Variants in SELENOO observed in about 807,000 individuals in gnomAD.
SELENOO encodes the protein protein adenylyltransferase SelO, mitochondrial.
In SELENOO, 74 loss-of-function variants were observed where a neutral mutation model predicts 58.7. The observed-to-expected ratio is 1.26, with a 90% confidence interval of 1.04 to 1.53. The LOEUF is 1.53. Among genes scored for constraint, SELENOO ranks in the 40% most tolerant of loss-of-function variants. The probability of loss-of-function intolerance (pLI) is 0.00; values close to 1 mark genes in which losing one functional copy is unlikely to be tolerated. For synonymous variants in SELENOO, 543 were observed against 453.2 expected (o/e 1.20, Z -2.52); for missense variants, 1,149 against 970.0 (o/e 1.18, Z -2.45).
Position 50,201,090 on chromosome 22 carries a change from G to A in SELENOO, c.54G>A (p.Leu18=). 7.3e-7 allele frequency: 1 copy of A among 1,366,552 alleles called. No homozygotes were observed. Among genetic ancestry groups the A allele is most frequent in the Non-Finnish European group, 9.4e-7 (1 of 1,059,698 alleles). The allele number at this position is 1,366,552 out of a possible 1,614,324, so 84.7% of individuals were successfully genotyped here. A position where few individuals can be genotyped will look rare whatever the true frequency, so the allele number is the denominator to read the frequency against. Residue 18 remains leucine (L), a synonymous_variant, in exon 1 of 9, where the codon TTG becomes TTA. Transcript: ENST00000380903. ...CTTCGCTCGCGGCTGCCCGACTCTT[G>A]CCCCTCGGTCGCTGTTCCCCGTCGC... The part of the protein sequence containing the change: ...LGASLAAARL[L]PLGRCSPSPA...
intron 5 of SELENOO, among the ~76,000 whole-genome samples, chr22:50,215,466 G>C (rs909687): frequency 0.67 from 100,206 of 150,314 alleles, 34,327 homozygotes; most frequent in African/African-American, 0.84. Flanking sequence ...TCTGTGGCAT[G>C]CGTGCCAGGT....
At chr22:50,204,681 C>A (rs2064321830) in intron 1 of SELENOO, among the ~76,000 whole-genome samples, 2 of 151,912 alleles carry the variant, frequency 1.3e-5, no homozygotes, top group Admixed American at 1.3e-4. Context: ...TGGAACCCTT[C>A]TGCACTGTTG....
At chr22:50,206,724 CA>C (rs977272851) in intron 2 of SELENOO, among the ~76,000 whole-genome samples, 25 of 152,218 alleles carry the variant, frequency 1.6e-4, no homozygotes, top group Non-Finnish European at 3.4e-4. Context: ...GATCTGAGTG[CA>C]AAGGCATTTG....
In SELENOO at chr22:50,217,313, T is replaced by C. The variant is rs760622131; in HGVS notation, c.1954T>C (p.Tyr652His). 82 of 1,612,706 alleles carry C rather than the reference T, an allele frequency of 5.1e-5. No homozygotes were observed. Among genetic ancestry groups the C allele is most frequent in the Non-Finnish European group, 6.7e-5 (79 of 1,179,924 alleles). ...ADGADGRQRS[Y>H]SSKPPLWAAE... ...CGGGGCGGACGGCAGGCAGCGCTCC[T>C]ACAGCAGTAAGCCCCCGCTCTGGGC... The change falls in exon 9 of 9, where the codon TAC becomes CAC. Residue 652 changes from tyrosine (Y) to histidine (H), a missense_variant. Transcript: ENST00000380903.
intron 5 of SELENOO, among the ~76,000 whole-genome samples, chr22:50,211,320 G>A (rs1044762605): frequency 2.0e-5 from 3 of 152,184 alleles, no homozygotes; most frequent in Non-Finnish European, 2.9e-5. Context: ...CCATGAAAGC[G>A]AATGCAGAGA....
intron 2 of SELENOO, 131 bp downstream of exon 2, chr22:50,206,651 C>A: frequency 1.3e-6 from 1 of 788,784 alleles, no homozygotes; most frequent in Non-Finnish European, 2.0e-6. Context: ...AAAGTCCAGC[C>A]TGTCCCTGGC....
rs1171489038 is a variant in SELENOO at position 50,201,128 on chromosome 22, C to G, written c.92C>G (p.Ser31Cys). 2.3e-6 allele frequency: 3 copies of G among 1,322,484 alleles called. No individual in the cohort carries two copies. Among genetic ancestry groups the G allele is most frequent in the Non-Finnish European group, 2.9e-6 (3 of 1,039,400 alleles). 81.9% of individuals were successfully genotyped at this position (1,322,484 alleles called of 1,614,324 possible). The change falls in exon 1 of 9, where the codon TCT becomes TGT. Residue 31 changes from serine (S) to cysteine (C), a missense_variant. Physicochemically the swap from Ser to Cys is moderately radical, Grantham distance 112. Transcript: ENST00000380903. ...GRCSPSPAPR[S>C]TLSGAAMEPA... ...TGTTCCCCGTCGCCGGCGCCCCGCT[C>G]TACGTTGTCGGGCGCCGCCATGGAG...
intron 1 of SELENOO, 76 bp downstream of exon 1, chr22:50,201,666 TG>T (rs1209057597): frequency 1.8e-6 from 2 of 1,093,920 alleles, no homozygotes; most frequent in African/African-American, 3.3e-5. Flanking sequence ...GGCGCGGTGT[TG>T]GGGGCGTCCG....
chr22:50,212,744 C>T (rs1409052172), intron 5 of SELENOO, among the ~76,000 whole-genome samples: 2 of 152,192 alleles, frequency 1.3e-5, no homozygotes, highest in South Asian at 2.1e-4. Context: ...CTCTAATCTT[C>T]GTGTAAGTGG....
At position 50,201,148 on chromosome 22, in the gene SELENOO, A is replaced by G. The variant is rs1407906213; in HGVS notation, c.112A>G (p.Met38Val). ...CCGCTCTACGTTGTCGGGCGCCGCC[A>G]TGGAGCCCGCGCCTCGCTGGCTGGC... ...APRSTLSGAA[M>V]EPAPRWLAGL... The change falls in exon 1 of 9, where the codon ATG becomes GTG. Residue 38 changes from methionine (M) to valine (V), a missense_variant. Coordinates refer to ENST00000380903, the MANE Select transcript of SELENOO (RefSeq NM_031454.2). 1.6e-6 allele frequency: 2 copies of G among 1,275,988 alleles called. No individual in the cohort carries two copies. The highest frequency in any genetic ancestry group is 2.0e-6 in the Non-Finnish European group (2 of 1,012,098). 79.0% of individuals were successfully genotyped at this position (1,275,988 alleles called of 1,614,324 possible).
chr22:50,217,001 C>A lies in SELENOO; in HGVS notation c.1718C>A (p.Ala573Asp), dbSNP rs767169299. ...CGGCTGGACAAGGACCTGGAAGGCG[C>A]TGGGGACGCTGCCGCCTGGCAGGCT... is the stretch of plus-strand genomic sequence containing the variant. ...RARLDKDLEG[A>D]GDAAAWQAEH... Residue 573 changes from alanine (A) to aspartate (D), a missense_variant, in exon 8 of 9, where the codon GCT (alanine) becomes GAT (aspartate). Transcript: ENST00000380903. 6 of 1,611,328 alleles carry A rather than the reference C, an allele frequency of 3.7e-6. No homozygotes were observed. The highest frequency in any genetic ancestry group is 5.1e-6 in the Non-Finnish European group (6 of 1,179,678).
chr22:50,206,510 A>G lies in SELENOO; in HGVS notation c.748A>G (p.Thr250Ala), dbSNP rs762739994. 1.6e-5 allele frequency: 26 copies of G among 1,613,390 alleles called. No homozygotes were observed. The highest frequency in any genetic ancestry group is 8.9e-5 in the East Asian group (4 of 44,874). The change falls in exon 2 of 9, where the codon ACT becomes GCT. Residue 250 changes from threonine (T) to alanine (A), a missense_variant. Thr to Ala is a moderately conservative substitution (Grantham distance 58). Coordinates refer to ENST00000380903, the MANE Select transcript of SELENOO (RefSeq NM_031454.2). ...QCTVVLRVAS[T>A]FIRFGSFEIF... ...CACGGTTGTGTTGCGTGTAGCTTCC[A>G]CTTTCATAAGGTAATGCCGGGGGCC...
intron 3 of SELENOO, 114 bp from the exon 4 acceptor site, chr22:50,210,065 CAG>C (rs1398349470): frequency 5.5e-6 from 7 of 1,266,422 alleles, no homozygotes; most frequent in South Asian, 4.1e-5. Flanking sequence ...CCAGAAACTG[CAG>C]AGTGAGAGCC....
chr22:50,201,294 G>C lies in SELENOO; in HGVS notation c.258G>C (p.Gln86His). ...PVPGACFTRV[Q>H]PTPLRQPRLV... Reference sequence around the variant, plus strand: ...CCGGGGCCTGCTTCACCCGCGTGCAGCCCACCCCGCTGCGGCAGCCGCGCC... The same window carrying C: ...CCGGGGCCTGCTTCACCCGCGTGCACCCCACCCCGCTGCGGCAGCCGCGCC... Residue 86 changes from glutamine (Q) to histidine (H), a missense_variant, in exon 1 of 9, where the codon CAG (glutamine) becomes CAC (histidine). Gln to His is a conservative substitution (Grantham distance 24, BLOSUM62 0). Transcript: ENST00000380903. 1 of 1,092,642 alleles carries C rather than the reference G, an allele frequency of 9.2e-7. No homozygotes were observed. Among genetic ancestry groups the C allele is most frequent in the Non-Finnish European group, 1.1e-6 (1 of 901,896 alleles). 67.7% of individuals were successfully genotyped at this position (1,092,642 alleles called of 1,614,324 possible).
intron 2 of SELENOO, 173 bp from the exon 3 acceptor site, chr22:50,208,363 G>T (rs1173701518): frequency 7.4e-6 from 4 of 543,474 alleles, no homozygotes; most frequent in Non-Finnish European, 1.3e-5. Context: ...CCAGAAGTTG[G>T]AGGTTGTGGT....
rs1470027919 is a variant in SELENOO, at chr22:50,206,314, C to T, written c.555-3C>T. ...ACGTAGTGAACTCTGTGTTTGGTTT[C>T]AGACAGGCCGACGGTCGCAAGGTCC... On this transcript the variant is annotated splice_region_variant and splice_polypyrimidine_tract_variant and intron_variant, in intron 1 of 8. Coordinates refer to ENST00000380903, the MANE Select transcript of SELENOO (RefSeq NM_031454.2). 2 of 1,613,204 alleles carry T rather than the reference C, an allele frequency of 1.2e-6. No homozygotes were observed. The highest frequency in any genetic ancestry group is 2.2e-5 in the South Asian group (2 of 90,958).
chr22:50,215,657 G>A, intron 5 of SELENOO, 60 bp from the exon 6 acceptor site: 3 of 1,394,500 alleles, frequency 2.2e-6, no homozygotes, highest in Non-Finnish European at 2.9e-6. Flanking sequence ...GGTCTGTGTG[G>A]CACCAGGACA....
Position 50,211,435 on chromosome 22 carries a change from C to T in SELENOO, c.1351+524C>T, listed in dbSNP as rs575862101. ...CACTAGCTAGGACGTGTATGTTGAA[C>T]AGAAGGAGCTGAGATGGGCATTCTT... On this transcript the variant is annotated intron_variant, in intron 5 of 8. Coordinates refer to ENST00000380903, the MANE Select transcript of SELENOO (RefSeq NM_031454.2). Among the ~76,000 whole-genome samples, 18 of 152,294 alleles carry T rather than the reference C, an allele frequency of 1.2e-4. 1 individual carries two copies. The South Asian group carries it at 2.5e-3, about 21-fold the overall frequency.
Position 50,217,120 on chromosome 22 carries a change from TTC to T in SELENOO, c.1840_1841del (p.Ser614ArgfsTer41). The T allele has an allele frequency of 1.9e-6, 3 of 1,612,822 alleles. No individual in the cohort carries two copies. Among genetic ancestry groups the T allele is most frequent in the Non-Finnish European group, 2.5e-6 (3 of 1,179,774 alleles). ...NAIEAAERGD[F>X]SEVRRVLKLL... The stretch of plus-strand genomic sequence containing the variant: ...CATCGAGGCTGCCGAGCGCGGGGAC[TTC>T]TCAGAGGCAAGCACACGCCTGTCCC... On this transcript the variant is annotated frameshift_variant, in exon 8 of 9. Transcript: ENST00000380903. LOFTEE classifies it low-confidence loss of function (END_TRUNC).
Sources: gnomAD v4.1 joint callset for allele counts (sites outside exome capture counted in the v4.1 genomes callset) on GRCh38, gnomAD v4.1.1 for gene constraint, MANE v1.5 for transcripts, NCBI Gene and HGNC (gene_info 2026-07-23, HGNC 2026-07-21) for gene names.